CNBD1: variants seen among roughly 807,000 people sequenced by gnomAD.
CNBD1 encodes cyclic nucleotide binding domain containing 1, also known as cyclic nucleotide-binding domain-containing protein 1.
Under a neutral mutation model 54.4 loss-of-function variants are expected in CNBD1, and 71 were observed. The observed-to-expected ratio is 1.30, with a 90% CI of 1.08 to 1.59. The LOEUF (loss-of-function observed/expected upper bound fraction) is 1.59. Among genes scored for constraint, CNBD1 ranks in the 40% most tolerant of loss-of-function variants. The pLI, the probability that CNBD1 is intolerant of heterozygous loss-of-function variation, is 0.00. For synonymous variants in CNBD1, 182 were observed against 170.7 expected, an observed-to-expected ratio of 1.07 and a Z score of -0.51; for missense variants, 659 against 518.0, an observed-to-expected ratio of 1.27 and a Z score of -2.64.
chr8:87,214,650 TA>T (rs1814170249), intron 5 of CNBD1, among the ~76,000 whole-genome samples: 1 of 152,178 alleles, frequency 6.6e-6, no homozygotes, highest in Non-Finnish European at 1.5e-5. Flanking sequence ...GGGTAATTTA[TA>T]AAAGAAAGAG....
intron 10 of CNBD1, among the ~76,000 whole-genome samples, chr8:87,360,810 T>C (rs1343235877): frequency 1.3e-5 from 2 of 151,946 alleles, no homozygotes; most frequent in Admixed American, 1.3e-4. Flanking sequence ...TGGTATAAAC[T>C]ATCTGAAAGT....
At chr8:87,385,191 A>T (rs544339378), downstream of CNBD1, among the ~76,000 whole-genome samples, 1 of 152,288 alleles carries the variant, frequency 6.6e-6, no homozygotes, top group Admixed American at 6.5e-5. Flanking sequence ...TCCCAGCTTG[A>T]GTAACGCAGA....
At chr8:87,181,498 C>T (rs1277517481) in intron 4 of CNBD1, among the ~76,000 whole-genome samples, 1 of 152,130 alleles carries the variant, frequency 6.6e-6, no homozygotes, top group Non-Finnish European at 1.5e-5. Context: ...AATTTATTGG[C>T]ATAAAGTTGT....
chr8:87,313,805 AT>A (rs141992502), intron 8 of CNBD1, among the ~76,000 whole-genome samples: 509 of 152,036 alleles, frequency 3.3e-3, no homozygotes, highest in African/African-American at 0.011. Context: ...ATTTTTTAAC[AT>A]TTTACCTACT....
intron 8 of CNBD1, among the ~76,000 whole-genome samples, chr8:87,320,159 A>T (rs1028414296): frequency 3.3e-5 from 5 of 152,114 alleles, no homozygotes. Context: ...AACTGACTTG[A>T]AACAAATACC....
chr8:87,411,408 A>ATATATATG (rs2130985209), intron 2 of CNBD1, among the ~76,000 whole-genome samples: 1 of 136,792 alleles, frequency 7.3e-6, no homozygotes, highest in African/African-American at 2.7e-5. Context: ...ATATATATAT[A>ATATATATG]TATATATATA....
At chr8:87,285,295 A>G (rs1437576369) in intron 7 of CNBD1, among the ~76,000 whole-genome samples, 2 of 152,212 alleles carry the variant, frequency 1.3e-5, no homozygotes, top group South Asian at 2.1e-4. Context: ...TGAATAAGTG[A>G]TAACAACTTA....
chr8:87,390,922 T>A (rs1385695920), intron 2 of CNBD1, among the ~76,000 whole-genome samples: 1 of 152,094 alleles, frequency 6.6e-6, no homozygotes, highest in Non-Finnish European at 1.5e-5. Context: ...TAAAAAACGA[T>A]GAGTTCATAT....
intron 4 of CNBD1, among the ~76,000 whole-genome samples, chr8:87,106,804 A>G (rs183429638): frequency 1.3e-5 from 2 of 152,036 alleles, no homozygotes; most frequent in East Asian, 3.9e-4. Flanking sequence ...CCACTACTCC[A>G]TCCTGGGCTG....
In CNBD1 at chr8:87,246,913, A is replaced by T. The variant is rs187425621; in HGVS notation, c.771+9801A>T. Among the ~76,000 whole-genome samples, 37 of 152,196 alleles carry T rather than the reference A, an allele frequency of 2.4e-4. No individual in the cohort carries two copies. In the East Asian group the frequency reaches 7.0e-3, roughly 29 times the overall value. ...TACAACTCATCATAATGTAGAACCTATGGGAGCCCTGAGCTTGTTTTCCTG... is the reference window on the plus strand; with the variant it reads ...TACAACTCATCATAATGTAGAACCTTTGGGAGCCCTGAGCTTGTTTTCCTG... On this transcript the variant is annotated intron_variant, in intron 6 of 10. Transcript: ENST00000518476.
At chr8:87,426,613 C>T (rs1477589082) in intron 2 of CNBD1, among the ~76,000 whole-genome samples, 1 of 152,128 alleles carries the variant, frequency 6.6e-6, no homozygotes, top group East Asian at 1.9e-4. Flanking sequence ...CCTAGCAATG[C>T]CAATTGCTTA....
chr8:87,075,362 G>C (rs1810848038), intron 4 of CNBD1, among the ~76,000 whole-genome samples: 1 of 152,022 alleles, frequency 6.6e-6, no homozygotes, highest in Admixed American at 6.6e-5. Flanking sequence ...CGATCCCACT[G>C]GTCTTAAAGC....
chr8:87,247,185 G>T (rs1003816461), intron 6 of CNBD1, among the ~76,000 whole-genome samples: 2 of 152,062 alleles, frequency 1.3e-5, no homozygotes, highest in African/African-American at 2.4e-5. Context: ...TACTTTTAAG[G>T]CCACCATCAT....
At chr8:87,203,658 G>GA (rs1376475012) in intron 4 of CNBD1, among the ~76,000 whole-genome samples, 1 of 151,986 alleles carries the variant, frequency 6.6e-6, no homozygotes, top group Non-Finnish European at 1.5e-5. Context: ...TTCACCAAAA[G>GA]AAAAAACAGA....
chr8:87,002,377 C>G (rs1304022166), intron 4 of CNBD1, among the ~76,000 whole-genome samples: 1 of 152,146 alleles, frequency 6.6e-6, no homozygotes, highest in South Asian at 2.1e-4. Context: ...TTATATCTGT[C>G]TTCTGTTCCA....
intron 4 of CNBD1, among the ~76,000 whole-genome samples, chr8:87,047,158 G>A (rs1008386010): frequency 6.6e-6 from 1 of 152,090 alleles, no homozygotes; most frequent in African/African-American, 2.4e-5. Flanking sequence ...TCCCGGGTAT[G>A]GCACTTTTCC....
At chr8:87,090,996 C>T (rs568286459) in intron 4 of CNBD1, among the ~76,000 whole-genome samples, 4 of 151,916 alleles carry the variant, frequency 2.6e-5, no homozygotes, top group Admixed American at 6.6e-5. Context: ...AAAAATTAGC[C>T]GGGCATGGTG....
chr8:86,939,479 G>A, intron 3 of CNBD1, 117 bp from the exon 4 acceptor site: 1 of 632,182 alleles, frequency 1.6e-6, no homozygotes, highest in Non-Finnish European at 2.6e-6. Flanking sequence ...AATATGTTCT[G>A]AAAATGACAA....
rs79862453 is a variant in CNBD1 at position 87,090,957 on chromosome 8, A to G, written c.432-115036A>G. Among the ~76,000 whole-genome samples the G allele has an allele frequency of 5.3e-3, 800 of 152,142 alleles. 10 individuals carry two copies. Among genetic ancestry groups the G allele is most frequent in the African/African-American group, 0.018 (755 of 41,526 alleles). On this transcript the variant is annotated intron_variant, in intron 4 of 10. Coordinates refer to ENST00000518476, the MANE Select transcript of CNBD1 (RefSeq NM_173538.3). ...AGAGTTCGAGACAAGCCTGGCCAAC[A>G]TGTGAAACCCTGTCTCTATGAAAAA... is the stretch of plus-strand genomic sequence containing the variant.
Sources: allele counts gnomAD v4.1 joint callset (sites outside exome capture counted in the v4.1 genomes callset), GRCh38; gene constraint gnomAD v4.1.1; transcripts MANE v1.5; gene names NCBI Gene and HGNC (gene_info 2026-07-23, HGNC 2026-07-21).